SH3PXD2B: variants seen among roughly 807,000 people sequenced by gnomAD.
SH3PXD2B encodes the protein SH3 and PX domain-containing protein 2B.
SH3PXD2B carries 37 observed loss-of-function variants against 73.1 expected under a neutral mutation model. The ratio of observed to expected loss-of-function variants is 0.51; its 90% CI spans 0.39 to 0.67. The LOEUF (loss-of-function observed/expected upper bound fraction) is 0.67. Among genes scored for constraint, SH3PXD2B ranks in the 30% least tolerant of loss-of-function variants. The probability of loss-of-function intolerance (pLI) is 0.00; values close to 1 mark genes in which losing one functional copy is unlikely to be tolerated. For synonymous variants in SH3PXD2B, 457 were observed against 480.5 expected (o/e 0.95, Z 0.64); for missense variants, 1,053 against 1,197.8 (o/e 0.88, Z 1.78).
At chr5:172,359,050 G>C (rs769953989) in intron 7 of SH3PXD2B, among the ~76,000 whole-genome samples, 173 bp from the exon 8 acceptor site, 2 of 152,248 alleles carry the variant, frequency 1.3e-5, no homozygotes, top group South Asian at 2.1e-4. Flanking sequence ...CTAAAAGCAG[G>C]TCCAGAAACT....
rs1444572543 is a variant in SH3PXD2B, at chr5:172,445,346, T to C, written c.75+8932A>G. Reference sequence around the variant, plus strand: ...GCCTCAGCCTCTCAAGTAGCTGGGATTGCAGGCGAGAATCATCACACCCAG... The same window carrying C: ...GCCTCAGCCTCTCAAGTAGCTGGGACTGCAGGCGAGAATCATCACACCCAG... On this transcript the variant is annotated intron_variant, in intron 1 of 12. Transcript: ENST00000311601. The surrounding 1 kb of genome is among the most constrained non-coding windows in gnomAD (Gnocchi z 5.2). Among the ~76,000 whole-genome samples the C allele has an allele frequency of 1.3e-5, 2 of 152,218 alleles. No individual in the cohort carries two copies. Among genetic ancestry groups the C allele is most frequent in the East Asian group, 1.9e-4 (1 of 5,192 alleles).
chr5:172,330,645 C>G (rs1164352733), downstream of SH3PXD2B, among the ~76,000 whole-genome samples: 5 of 152,176 alleles, frequency 3.3e-5, no homozygotes, highest in African/African-American at 9.7e-5. Context: ...TTTCCAAATT[C>G]CTATCGACAT....
chr5:172,347,378 T>C (rs1757021177), intron 10 of SH3PXD2B, 46 bp from the exon 11 acceptor site: 6 of 1,603,882 alleles, frequency 3.7e-6, no homozygotes, highest in Non-Finnish European at 5.1e-6. Flanking sequence ...ACAGATGAGA[T>C]TCCTGAGCTG....
intron 9 of SH3PXD2B, among the ~76,000 whole-genome samples, chr5:172,351,929 A>G (rs1055763898): frequency 6.6e-6 from 1 of 152,136 alleles, no homozygotes; most frequent in African/African-American, 2.4e-5. Context: ...TCAGTTTGAC[A>G]TAGTTCATTG....
chr5:172,393,867 A>C (rs1462917455), intron 4 of SH3PXD2B, among the ~76,000 whole-genome samples: 1 of 152,186 alleles, frequency 6.6e-6, no homozygotes. Flanking sequence ...GCACCATCAA[A>C]CAACAGGGAT....
At chr5:172,350,628 C>A (rs1002714150) in intron 9 of SH3PXD2B, 39 bp from the exon 10 acceptor site, 2 of 1,552,624 alleles carry the variant, frequency 1.3e-6, no homozygotes, top group East Asian at 2.4e-5. Flanking sequence ...ACTGCTCCGC[C>A]AGGCCCAAGG....
intron 6 of SH3PXD2B, among the ~76,000 whole-genome samples, chr5:172,365,599 G>A (rs1757498526): frequency 8.5e-6 from 1 of 117,790 alleles, no homozygotes; most frequent in African/African-American, 4.0e-5. Flanking sequence ...CCGAGGTCAG[G>A]TGGCAGGGCC....
At chr5:172,382,958 G>A (rs922421344) in intron 4 of SH3PXD2B, among the ~76,000 whole-genome samples, 1 of 151,268 alleles carries the variant, frequency 6.6e-6, no homozygotes, top group Non-Finnish European at 1.5e-5. Flanking sequence ...GGCTGGTCTC[G>A]AACTCCCGGC....
Position 172,353,942 on chromosome 5 carries a change from C to T in SH3PXD2B, c.731G>A (p.Arg244Lys), listed in dbSNP as rs1199308714. The T allele has an allele frequency of 6.2e-7, 1 of 1,614,110 alleles. No homozygotes were observed. Among genetic ancestry groups the T allele is most frequent in the Non-Finnish European group, 8.5e-7 (1 of 1,180,028 alleles). ...CTGGATGACCTCCACCACAGCCCCT[C>T]TCTCCAGGTTCATTTCATCCTGGTC... The part of the protein sequence containing the change: ...ARDQDEMNLE[R>K]GAVVEVIQKN... Residue 244 changes from arginine to lysine, a missense_variant, in exon 9 of 13, where the codon AGA becomes AAA. By Grantham distance (26) the Arg-to-Lys change is conservative (BLOSUM62 2). Coordinates refer to ENST00000311601, the MANE Select transcript of SH3PXD2B (RefSeq NM_001017995.3). This position sits in a 1 kb window ranked among gnomAD's most constrained non-coding sequence, Gnocchi z 4.3.
chr5:172,348,659 C>CTATCTATCTATG (rs1757064519), intron 10 of SH3PXD2B, among the ~76,000 whole-genome samples: 6 of 107,862 alleles, frequency 5.6e-5, no homozygotes, highest in African/African-American at 2.0e-4. Context: ...TCTATCCTAT[C>CTATCTATCTATG]TATCTATCTA....
At chr5:172,341,151 C>T (rs1441860918) in intron 12 of SH3PXD2B, among the ~76,000 whole-genome samples, 1 of 152,190 alleles carries the variant, frequency 6.6e-6, no homozygotes, top group African/African-American at 2.4e-5. Context: ...CTATTATGGG[C>T]TGAATTGTGT....
chr5:172,380,102 G>A (rs536903671), intron 5 of SH3PXD2B, among the ~76,000 whole-genome samples: 104 of 152,226 alleles, frequency 6.8e-4, no homozygotes, highest in African/African-American at 2.4e-3. Flanking sequence ...TGTCACCCAG[G>A]CTGGAGTGCA....
chr5:172,360,159 C>T (rs1757367421), intron 7 of SH3PXD2B, among the ~76,000 whole-genome samples: 2 of 152,028 alleles, frequency 1.3e-5, no homozygotes, highest in African/African-American at 4.8e-5. Context: ...GGTGGGTCTA[C>T]GATTTTCTAA....
chr5:172,414,737 T>G (rs1362680428), intron 2 of SH3PXD2B, among the ~76,000 whole-genome samples: 1 of 151,816 alleles, frequency 6.6e-6, no homozygotes, highest in African/African-American at 2.4e-5. Context: ...CCGTAGGGAG[T>G]GTTCCTTCTT....
intron 10 of SH3PXD2B, among the ~76,000 whole-genome samples, chr5:172,348,669 ATCTATCTATCTATCTATCTATCTATCT>A (rs1757070105): frequency 2.0e-5 from 1 of 49,978 alleles, no homozygotes; most frequent in Non-Finnish European, 4.3e-5. Flanking sequence ...CTATCTATCT[ATCTATCTATCTATCTATCTATCTATCT>A]ATCTATCTAT....
chr5:172,416,000 TCAGG>T (rs1186417196), intron 2 of SH3PXD2B, among the ~76,000 whole-genome samples: 1 of 152,104 alleles, frequency 6.6e-6, no homozygotes, highest in African/African-American at 2.4e-5. Flanking sequence ...GGTAAGCAAG[TCAGG>T]AAACCAAGTT....
chr5:172,437,440 C>G (rs182199043), intron 1 of SH3PXD2B, among the ~76,000 whole-genome samples: 99 of 152,160 alleles, frequency 6.5e-4, no homozygotes, highest in African/African-American at 2.4e-3. Flanking sequence ...AGGAGGAAAC[C>G]GAGGCACAGA....
chr5:172,381,862 C>T lies in SH3PXD2B; in HGVS notation c.401+174G>A, dbSNP rs551546724. Among the ~76,000 whole-genome samples, 156 of 152,300 alleles carry T rather than the reference C, an allele frequency of 1.0e-3. 2 individuals carry two copies. Among genetic ancestry groups the T allele is most frequent in the Non-Finnish European group, 1.1e-3 (76 of 68,028 alleles). ...CAGCCAGTTTCCTTCACCTGTCAAA[C>T]GGACGATCGCTACCCACTTACAGCA... On this transcript the variant is annotated intron_variant, in intron 5 of 12. Transcript: ENST00000311601.
At chr5:172,349,981 A>T (rs939531602) in intron 10 of SH3PXD2B, among the ~76,000 whole-genome samples, 2 of 152,046 alleles carry the variant, frequency 1.3e-5, no homozygotes, top group African/African-American at 4.8e-5. Context: ...CAGCCTCCCA[A>T]GTAGCTGGGA....
Sources: allele counts gnomAD v4.1 joint callset (sites outside exome capture counted in the v4.1 genomes callset), GRCh38; gene constraint gnomAD v4.1.1; non-coding constraint Gnocchi (gnomAD v3.1); transcripts MANE v1.5; gene names NCBI Gene and HGNC (gene_info 2026-07-23, HGNC 2026-07-21).